BAHCC1: variants seen among roughly 807,000 people sequenced by gnomAD.
The protein encoded by BAHCC1 is BAH and coiled-coil domain-containing protein 1.
BAHCC1 carries 43 observed loss-of-function variants against 88.2 expected under a neutral mutation model. The observed-to-expected ratio is 0.49, with a 90% confidence interval of 0.38 to 0.63. The LOEUF (loss-of-function observed/expected upper bound fraction) is 0.63, where lower values mean the gene tolerates loss of function less well. Among genes scored for constraint, BAHCC1 ranks in the 20% least tolerant of loss-of-function variants. The pLI, the probability that BAHCC1 is intolerant of heterozygous loss-of-function variation, is 0.00. For missense variants in BAHCC1, 3,023 were observed against 1,654.8 expected, an observed-to-expected ratio of 1.83 and a Z score of -14.34; for synonymous variants, 1,510 against 745.5, an observed-to-expected ratio of 2.03 and a Z score of -16.71.
rs1314193660 is a variant in BAHCC1, at chr17:81,455,851, C to T, written c.4570-446C>T. Among the ~76,000 whole-genome samples, 8 of 152,318 alleles carry T rather than the reference C, an allele frequency of 5.3e-5. No individual in the cohort carries two copies. In the South Asian group the frequency reaches 1.4e-3, roughly 28 times the overall value. On this transcript the variant is annotated intron_variant, in intron 15 of 27. Transcript: ENST00000675386. ...GGGGGCTCTCTCGGCTGCCGACACC[C>T]CTTCTTTCTTGGCACAACAGCTGCC...
chr17:81,405,548 A>C (rs1050191083), intron 2 of BAHCC1, among the ~76,000 whole-genome samples: 2 of 152,102 alleles, frequency 1.3e-5, no homozygotes, highest in Non-Finnish European at 2.9e-5. Context: ...CCAAAGGACT[A>C]TATTTCCCAG....
chr17:81,422,059 G>A (rs562247737), intron 2 of BAHCC1: 18 of 282,542 alleles, frequency 6.4e-5, no homozygotes, highest in African/African-American at 3.4e-4. Flanking sequence ...TCATCCAGGC[G>A]GGAGGGCAGT....
At chr17:81,412,706 C>G (rs915916446) in intron 2 of BAHCC1, among the ~76,000 whole-genome samples, 38 of 152,368 alleles carry the variant, frequency 2.5e-4, no homozygotes, top group African/African-American at 8.7e-4. Context: ...CCCTGTGGCT[C>G]TGTCTCTTCC....
intron 25 of BAHCC1, 27 bp from the exon 26 acceptor site, chr17:81,460,839 C>T (rs957230965): frequency 1.3e-6 from 1 of 766,630 alleles, no homozygotes; most frequent in African/African-American, 1.7e-5. Flanking sequence ...CCAGCTGGGG[C>T]TGACTCTGCT....
rs1425050920 is a variant in BAHCC1, at chr17:81,442,184, C to G, written c.835C>G (p.His279Asp). Residue 279 changes from histidine (H) to aspartate (D), a missense_variant, in exon 5 of 28, where the codon CAC becomes GAC. By Grantham distance (81) the His-to-Asp change is moderately conservative. Coordinates refer to ENST00000675386, the MANE Select transcript of BAHCC1 (RefSeq NM_001377448.1). ...PRGACEGRPK[H>D]LTSCLLNTKV... ...AGGGGCCTGCGAGGGCCGCCCCAAG[C>G]ACCTCACCTCCTGCCTCCTCAACAC... 1 of 657,112 alleles carries G rather than the reference C, an allele frequency of 1.5e-6. No homozygotes were observed. Among genetic ancestry groups the G allele is most frequent in the Non-Finnish European group, 2.7e-6 (1 of 363,810 alleles). The allele number at this position is 657,112 out of a possible 1,614,324, so 40.7% of individuals were successfully genotyped here.
chr17:81,459,618 A>G lies in BAHCC1; in HGVS notation c.5905+14A>G, dbSNP rs782397859. ...ACGTGGTCCGGGGTAAGTTGCACCC[A>G]AAGCGGGGGCTGGGGCAGGCCCCTC... On this transcript the variant is annotated intron_variant, in intron 23 of 27. Transcript: ENST00000675386. The G allele has an allele frequency of 2.6e-6, 2 of 779,434 alleles. No homozygotes were observed. Among genetic ancestry groups the G allele is most frequent in the East Asian group, 2.4e-5 (1 of 41,236 alleles). 48.3% of individuals were successfully genotyped at this position (779,434 alleles called of 1,614,324 possible). A position where few individuals can be genotyped will look rare whatever the true frequency, so the allele number is the denominator to read the frequency against.
At position 81,461,203 on chromosome 17, in the gene BAHCC1, C is replaced by T. The variant is rs2030228441; in HGVS notation, c.6540C>T (p.Ala2180=). The change falls in exon 26 of 28, where the codon GCC becomes GCT. Residue 2180 remains alanine, a synonymous_variant. Transcript: ENST00000675386. ...GGTGPGLPRG[A]HKLLRAKKAE... is the part of the protein sequence containing the mutation. ...CCGGGCCGGGCCTCCCCAGGGGAGC[C>T]CACAAGCTGCTGCGGGCTAAGAAGG... 2 of 732,440 alleles carry T rather than the reference C, an allele frequency of 2.7e-6. No individual in the cohort carries two copies. Among genetic ancestry groups the T allele is most frequent in the Non-Finnish European group, 2.5e-6 (1 of 399,324 alleles). The allele number at this position is 732,440 out of a possible 1,614,324, so 45.4% of individuals were successfully genotyped here. A position where few individuals can be genotyped will look rare whatever the true frequency, so the allele number is the denominator to read the frequency against.
chr17:81,407,705 A>T (rs868933332), intron 2 of BAHCC1, among the ~76,000 whole-genome samples: 1 of 152,110 alleles, frequency 6.6e-6, no homozygotes, highest in East Asian at 1.9e-4. Context: ...GGTGAGGCCC[A>T]CTCTGCAGAC....
chr17:81,413,517 C>T (rs1424643146), intron 2 of BAHCC1, among the ~76,000 whole-genome samples: 1 of 152,218 alleles, frequency 6.6e-6, no homozygotes, highest in Admixed American at 6.5e-5. Context: ...CCTGGATACC[C>T]GTGGACCGTC....
At chr17:81,396,359 C>A (rs552761474) in intron 1 of BAHCC1, 1 of 152,116 alleles carries the variant, frequency 6.6e-6, no homozygotes, top group Non-Finnish European at 1.5e-5. Context: ...TTTCACCGCG[C>A]GCGTTCGGGA....
rs1320429844 is a variant in BAHCC1, at chr17:81,465,946, G to C, written c.*2129G>C. The stretch of plus-strand genomic sequence containing the variant: ...CGATGTCAAGTGAAGAAAAATGCAC[G>C]GGGGCATGCTGAGCCACTGGAGTTC... On this transcript the variant is annotated 3_prime_UTR_variant, in exon 28 of 28. Coordinates refer to ENST00000675386, the MANE Select transcript of BAHCC1 (RefSeq NM_001377448.1). The C allele has an allele frequency of 6.6e-6, 1 of 152,544 alleles. No individual in the cohort carries two copies. Among genetic ancestry groups the C allele is most frequent in the Admixed American group, 6.5e-5 (1 of 15,288 alleles). The allele number at this position is 152,544 out of a possible 1,614,324, so 9.4% of individuals were successfully genotyped here.
chr17:81,400,331 G>GAGGGGACC (rs1338356250), intron 2 of BAHCC1, among the ~76,000 whole-genome samples: 41 of 152,224 alleles, frequency 2.7e-4, no homozygotes, highest in Non-Finnish European at 5.3e-4. Flanking sequence ...GTGGCGGGGG[G>GAGGGGACC]AGGGGACCAG....
chr17:81,446,858 G>A (rs948975252), intron 10 of BAHCC1, 178 bp from the exon 11 acceptor site: 9 of 670,104 alleles, frequency 1.3e-5, no homozygotes, highest in Non-Finnish European at 2.5e-5. Context: ...CAGCCAGGTT[G>A]CCCCCTTAAT....
intron 3 of BAHCC1, 102 bp from the exon 4 acceptor site, chr17:81,438,268 G>C: frequency 1.4e-6 from 1 of 718,916 alleles, no homozygotes; most frequent in East Asian, 2.6e-5. Context: ...GCGGGACATC[G>C]CTCCTGGGCT....
rs782661933 is a variant in BAHCC1 at position 81,444,750 on chromosome 17, C to T, written c.2595C>T (p.Pro865=). 6.4e-6 allele frequency: 5 copies of T among 778,646 alleles called. No homozygotes were observed. Among genetic ancestry groups the T allele is most frequent in the Non-Finnish European group, 9.6e-6 (4 of 417,642 alleles). 48.2% of individuals were successfully genotyped at this position (778,646 alleles called of 1,614,324 possible). ...SVAGPVPSVF[P]LPQDAPTQLV... The stretch of plus-strand genomic sequence containing the variant: ...CTGGCCCTGTGCCCTCTGTCTTCCC[C>T]CTCCCACAGGACGCCCCCACACAGC... The change falls in exon 8 of 28, where the codon CCC becomes CCT. Residue 865 remains proline, a synonymous_variant. Transcript: ENST00000675386.
At chr17:81,407,268 G>A (rs775321215) in intron 2 of BAHCC1, 14 of 507,302 alleles carry the variant, frequency 2.8e-5, no homozygotes, top group South Asian at 1.7e-4. Flanking sequence ...CTGAAGCGGA[G>A]GGTGACATTG....
At chr17:81,454,558 A>C (rs9908816) in intron 14 of BAHCC1, among the ~76,000 whole-genome samples, 1,957 of 126,578 alleles carry the variant, frequency 0.015, no homozygotes, top group Non-Finnish European at 0.017. Context: ...CACCCCACCC[A>C]CCTGCCCCTA....
At position 81,444,446 on chromosome 17, in the gene BAHCC1, C is replaced by A; in HGVS notation, c.2390C>A (p.Ala797Asp). 1 of 741,542 alleles carries A rather than the reference C, an allele frequency of 1.3e-6. No individual in the cohort carries two copies. The allele number at this position is 741,542 out of a possible 1,614,324, so 45.9% of individuals were successfully genotyped here. A position where few individuals can be genotyped will look rare whatever the true frequency, so the allele number is the denominator to read the frequency against. ...CCGAGCAGCTGCCCTGGGGACCTGG[C>A]CCCCCACCTCATGATGCAGAGCGGC... ...HPPSSCPGDL[A>D]PHLMMQSGQL... The change falls in exon 7 of 28, where the codon GCC (alanine) becomes GAC (aspartate). Residue 797 changes from alanine (A) to aspartate (D), a missense_variant. Coordinates refer to ENST00000675386, the MANE Select transcript of BAHCC1 (RefSeq NM_001377448.1).
Position 81,443,379 on chromosome 17 carries a change from A to G in BAHCC1, c.2030A>G (p.Gln677Arg), listed in dbSNP as rs781843483. ...AKFLSSKGPG[Q>R]SERPDCARSR... is the part of the protein sequence containing the mutation. The stretch of plus-strand genomic sequence containing the variant: ...TTCCTGTCCTCTAAGGGCCCAGGCC[A>G]GTCGGAGAGGCCGGACTGTGCCCGC... Residue 677 changes from glutamine to arginine, a missense_variant, in exon 5 of 28, where the codon CAG becomes CGG. By Grantham distance (43) the Gln-to-Arg change is conservative. Coordinates refer to ENST00000675386, the MANE Select transcript of BAHCC1 (RefSeq NM_001377448.1). The G allele has an allele frequency of 2.4e-5, 19 of 775,952 alleles. No individual in the cohort carries two copies. Among genetic ancestry groups the G allele is most frequent in the African/African-American group, 6.8e-5 (4 of 59,192 alleles). The allele number at this position is 775,952 out of a possible 1,614,324, so 48.1% of individuals were successfully genotyped here.
Sources: gnomAD v4.1 joint callset for allele counts (sites outside exome capture counted in the v4.1 genomes callset) on GRCh38, gnomAD v4.1.1 for gene constraint, MANE v1.5 for transcripts, NCBI Gene and HGNC (gene_info 2026-07-23, HGNC 2026-07-21) for gene names.